Variants in ZSCAN25 observed in about 807,000 individuals in gnomAD.
ZSCAN25 encodes the protein zinc finger and SCAN domain-containing protein 25.
A neutral mutation model predicts 38.7 loss-of-function variants in ZSCAN25; 27 were observed. The ratio of observed to expected loss-of-function variants is 0.70; its 90% CI spans 0.51 to 0.96. The LOEUF (loss-of-function observed/expected upper bound fraction) is 0.96, where lower values mean the gene tolerates loss of function less well. Among genes scored for constraint, ZSCAN25 ranks in the 40% least tolerant of loss-of-function variants. The pLI is 0.00. For synonymous variants in ZSCAN25, 273 were observed against 277.7 expected, an observed-to-expected ratio of 0.98 and a Z score of 0.17; for missense variants, 637 against 705.9, an observed-to-expected ratio of 0.90 and a Z score of 1.11.
At chr7:99,692,941 G>A in the ZSCAN25 span, among the ~76,000 whole-genome samples, 6 of 152,180 alleles carry the variant, frequency 3.9e-5, no homozygotes, top group African/African-American at 1.4e-4. Flanking sequence ...TCCCTTGCTG[G>A]TGAGGAGCTG....
chr7:99,660,594 T>G, the ZSCAN25 span: 6 of 1,613,942 alleles, frequency 3.7e-6, no homozygotes, highest in African/African-American at 6.7e-5. Flanking sequence ...AGAACACTGC[T>G]GGTGGTTTCA....
At chr7:99,676,509 T>G in the ZSCAN25 span, 4 of 1,381,522 alleles carry the variant, frequency 2.9e-6, no homozygotes, top group Admixed American at 3.7e-5. Context: ...CAGGAATTCT[T>G]CCAGGACACT....
chr7:99,685,187 T>A, the ZSCAN25 span: 1 of 1,613,264 alleles, frequency 6.2e-7, no homozygotes. Flanking sequence ...TTTAGAACAA[T>A]GGGTTTTTCT....
the ZSCAN25 span, among the ~76,000 whole-genome samples, chr7:99,641,780 T>C: frequency 6.6e-6 from 1 of 152,124 alleles, no homozygotes; most frequent in African/African-American, 2.4e-5. Context: ...TTTCAAAATA[T>C]TGACAGAGAC....
the ZSCAN25 span, among the ~76,000 whole-genome samples, chr7:99,639,579 G>A: frequency 1.1e-4 from 17 of 152,316 alleles, no homozygotes; most frequent in African/African-American, 1.9e-4. Context: ...CTTAGCAAGG[G>A]CCACTTAAGG....
At position 99,619,431 on chromosome 7, in the gene ZSCAN25, T is replaced by C. The variant is rs1200796771; in HGVS notation, c.-46-130T>C. 8 of 705,136 alleles carry C rather than the reference T, an allele frequency of 1.1e-5. No individual in the cohort carries two copies. In the Admixed American group the frequency reaches 2.4e-4, roughly 21 times the overall value. 43.7% of individuals were successfully genotyped at this position (705,136 alleles called of 1,614,324 possible). A position where few individuals can be genotyped will look rare whatever the true frequency, so the allele number is the denominator to read the frequency against. On this transcript the variant is annotated intron_variant, in intron 3 of 7. Transcript: ENST00000394152. Reference sequence around the variant, plus strand: ...TACTATGTTGAATTGACCTGACTTTTGGGATCTGTGTTCAGTCTTTTGAAA... The same window carrying C: ...TACTATGTTGAATTGACCTGACTTTCGGGATCTGTGTTCAGTCTTTTGAAA...
At chr7:99,634,008 G>T (rs768725022), downstream of ZSCAN25, among the ~76,000 whole-genome samples, 2 of 152,208 alleles carry the variant, frequency 1.3e-5, no homozygotes, top group Non-Finnish European at 2.9e-5. Flanking sequence ...CAGGTCAAAC[G>T]GGTATTTGGT....
the ZSCAN25 span, among the ~76,000 whole-genome samples, chr7:99,669,853 C>G: frequency 1.2e-4 from 19 of 152,144 alleles, no homozygotes; most frequent in African/African-American, 3.9e-4. Context: ...GCTACAGATG[C>G]TGCCCTGGCG....
chr7:99,658,258 C>T, the ZSCAN25 span, among the ~76,000 whole-genome samples: 121 of 152,242 alleles, frequency 7.9e-4, no homozygotes, highest in Non-Finnish European at 1.0e-3. Flanking sequence ...CCTTCAAGAG[C>T]TCTTTTAGGG....
the ZSCAN25 span, among the ~76,000 whole-genome samples, chr7:99,719,716 A>G: frequency 6.6e-6 from 1 of 152,184 alleles, no homozygotes; most frequent in African/African-American, 2.4e-5. Flanking sequence ...CGGAGATGGA[A>G]TGGGTCTGCA....
the ZSCAN25 span, chr7:99,671,194 T>A: frequency 1.3e-5 from 2 of 155,336 alleles, no homozygotes; most frequent in Admixed American, 1.3e-4. Flanking sequence ...ACACTTCTTC[T>A]TCCACTGTGG....
the ZSCAN25 span, among the ~76,000 whole-genome samples, chr7:99,654,302 A>C: frequency 6.6e-6 from 1 of 152,026 alleles, no homozygotes; most frequent in Non-Finnish European, 1.5e-5. Flanking sequence ...TCATTGTTCA[A>C]TTCCCACCTA....
At chr7:99,659,189 T>G in the ZSCAN25 span, 1 of 152,258 alleles carries the variant, frequency 6.6e-6, no homozygotes, top group Non-Finnish European at 1.5e-5. Flanking sequence ...TCTGCTGTTT[T>G]TCCCCCATCT....
At chr7:99,701,968 T>C in the ZSCAN25 span, among the ~76,000 whole-genome samples, 1 of 152,226 alleles carries the variant, frequency 6.6e-6, no homozygotes, top group East Asian at 1.9e-4. Context: ...TTTGTCCATT[T>C]TTGCATTGGT....
the ZSCAN25 span, among the ~76,000 whole-genome samples, chr7:99,734,209 T>A: frequency 6.6e-6 from 1 of 152,188 alleles, no homozygotes; most frequent in Non-Finnish European, 1.5e-5. Flanking sequence ...AGGTTTGTAT[T>A]TTCTGTTTCC....
the ZSCAN25 span, among the ~76,000 whole-genome samples, chr7:99,735,652 C>T: frequency 6.6e-6 from 1 of 152,212 alleles, no homozygotes; most frequent in East Asian, 1.9e-4. Flanking sequence ...CACCAACCCC[C>T]TCACACAGAA....
At chr7:99,684,696 T>A in the ZSCAN25 span, among the ~76,000 whole-genome samples, 2 of 152,232 alleles carry the variant, frequency 1.3e-5, no homozygotes, top group African/African-American at 4.8e-5. Flanking sequence ...TAAGAGGTTT[T>A]TATTGATTTG....
chr7:99,677,686 G>T, the ZSCAN25 span, among the ~76,000 whole-genome samples: 1 of 152,336 alleles, frequency 6.6e-6, no homozygotes, highest in Non-Finnish European at 1.5e-5. Flanking sequence ...CATACATTTG[G>T]TTCCCTGCCC....
the ZSCAN25 span, chr7:99,676,403 T>C: frequency 6.6e-7 from 1 of 1,507,608 alleles, no homozygotes; most frequent in South Asian, 1.1e-5. Context: ...CCCTGAAAAG[T>C]CTCAATGATT....
Sources: gnomAD v4.1 joint callset for allele counts (sites outside exome capture counted in the v4.1 genomes callset) on GRCh38, gnomAD v4.1.1 for gene constraint, MANE v1.5 for transcripts, NCBI Gene and HGNC (gene_info 2026-07-23, HGNC 2026-07-21) for gene names.